Variants in SIRT3 observed in about 807,000 individuals in gnomAD.
SIRT3 encodes the protein NAD-dependent protein deacetylase sirtuin-3, mitochondrial.
A neutral mutation model predicts 33.5 loss-of-function variants in SIRT3; 26 were observed. That is an observed-to-expected ratio of 0.78 (90% CI 0.57 to 1.08). The LOEUF (loss-of-function observed/expected upper bound fraction) is 1.08. Among genes scored for constraint, SIRT3 ranks in the 50% least tolerant of loss-of-function variants. SIRT3 has a pLI of 0.00. For missense variants in SIRT3, 585 were observed against 530.1 expected (o/e 1.10, Z -1.02); for synonymous variants, 237 against 222.1 (o/e 1.07, Z -0.60).
intron 3 of SIRT3, among the ~76,000 whole-genome samples, chr11:232,702 A>G (rs1456661255): frequency 1.3e-5 from 2 of 152,214 alleles, no homozygotes; most frequent in African/African-American, 4.8e-5. Context: ...TTGGCAAAAC[A>G]ATGTCAACTT....
At chr11:234,037 A>T (rs901127824) in intron 1 of SIRT3, 31 of 153,210 alleles carry the variant, frequency 2.0e-4, no homozygotes, top group African/African-American at 7.2e-4. Flanking sequence ...AATGAAAGTT[A>T]TTATTGCTGT....
In SIRT3 at chr11:223,660, C is replaced by T; in HGVS notation, c.969+418G>A. The T allele has an allele frequency of 1.7e-6, 1 of 580,306 alleles. No individual in the cohort carries two copies. The highest frequency in any genetic ancestry group is 3.2e-6 in the Non-Finnish European group (1 of 314,790). 35.9% of individuals were successfully genotyped at this position (580,306 alleles called of 1,614,324 possible). Reference sequence around the variant, plus strand: ...CTCCTCACACGTGGTGCCCCACCCACACCTATACCACCTCCAAAGCCCAGC... The same window carrying T: ...CTCCTCACACGTGGTGCCCCACCCATACCTATACCACCTCCAAAGCCCAGC... On this transcript the variant is annotated intron_variant, in intron 5 of 6. Coordinates refer to ENST00000382743, the MANE Select transcript of SIRT3 (RefSeq NM_012239.6). The surrounding 1 kb of genome is among the most constrained non-coding windows in gnomAD (Gnocchi z 4.8).
At chr11:228,522 T>G (rs1857469780) in intron 4 of SIRT3, among the ~76,000 whole-genome samples, 1 of 152,202 alleles carries the variant, frequency 6.6e-6, no homozygotes, top group South Asian at 2.1e-4. Context: ...GACCACAGTT[T>G]TTTTAAACAA....
chr11:219,442 C>T (rs4758632), intron 5 of SIRT3, among the ~76,000 whole-genome samples: 23,621 of 152,072 alleles, frequency 0.16, 2,334 homozygotes, highest in Middle Eastern at 0.22. Context: ...TCTGGCTAGC[C>T]CTGCTTGCTC....
intron 5 of SIRT3, among the ~76,000 whole-genome samples, chr11:220,224 G>A (rs543381721): frequency 3.4e-4 from 52 of 151,726 alleles, no homozygotes; most frequent in Middle Eastern, 6.8e-3. Context: ...GAGCTACTCG[G>A]GAGGTTGAGG....
intron 4 of SIRT3, among the ~76,000 whole-genome samples, chr11:225,122 A>C (rs1302020477): frequency 6.6e-6 from 1 of 152,014 alleles, no homozygotes; most frequent in Non-Finnish European, 1.5e-5. Context: ...AACTTGAAAT[A>C]TCTATCAAAG....
rs958096125 is a variant in SIRT3 at position 224,357 on chromosome 11, T to A, written c.808-118A>T. On this transcript the variant is annotated intron_variant, in intron 4 of 6. Transcript: ENST00000382743. ...TCCCCCAAAAAAGGTGAGAGAGGGA[T>A]CATGAACCCCCATGTACCCAGCTTC... 9 of 1,085,512 alleles carry A rather than the reference T, an allele frequency of 8.3e-6. No individual in the cohort carries two copies. In the South Asian group the frequency reaches 1.3e-4, roughly 16 times the overall value. The allele number at this position is 1,085,512 out of a possible 1,614,324, so 67.2% of individuals were successfully genotyped here.
chr11:218,986 A>C lies in SIRT3; in HGVS notation c.1025T>G (p.Leu342Arg), dbSNP rs1416729777. 15 of 1,614,116 alleles carry C rather than the reference A, an allele frequency of 9.3e-6. No individual in the cohort carries two copies. Among genetic ancestry groups the C allele is most frequent in the Non-Finnish European group, 1.3e-5 (15 of 1,180,038 alleles). ...GGGCCCCACCAAGTCCCGGTTGATG[A>C]GCAGTCGGGGAACTGAGCTCCGCAC... ...EAVRSSVPRL[L>R]INRDLVGPLA... Residue 342 changes from leucine (L) to arginine (R), a missense_variant, in exon 6 of 7, where the codon CTC (leucine) becomes CGC (arginine). Coordinates refer to ENST00000382743, the MANE Select transcript of SIRT3 (RefSeq NM_012239.6).
At chr11:235,687 G>C (rs74044920) in intron 1 of SIRT3, among the ~76,000 whole-genome samples, 5,325 of 152,254 alleles carry the variant, frequency 0.035, 286 homozygotes, top group African/African-American at 0.12. Flanking sequence ...TCACATGCCA[G>C]TGGGAGTATT....
intron 4 of SIRT3, 98 bp from the exon 5 acceptor site, chr11:224,337 C>G: frequency 7.6e-7 from 1 of 1,321,776 alleles, no homozygotes. Flanking sequence ...CATTCTCCCC[C>G]AAAAAAGGTG....
upstream of SIRT3, chr11:236,401 C>A (rs1462084817): frequency 1.8e-6 from 2 of 1,088,234 alleles, no homozygotes; most frequent in African/African-American, 3.4e-5. Context: ...CGCCTCCCAC[C>A]CCCGCCCCCG....
intron 6 of SIRT3, 127 bp downstream of exon 6, chr11:218,705 C>T (rs1398421606): frequency 6.7e-7 from 1 of 1,501,442 alleles, no homozygotes; most frequent in Non-Finnish European, 8.9e-7. Flanking sequence ...GTGCCTGGTG[C>T]AGGATTCACA....
intron 5 of SIRT3, chr11:222,494 C>T (rs935794770): frequency 5.2e-5 from 8 of 152,614 alleles, no homozygotes; most frequent in Non-Finnish European, 4.4e-5. Flanking sequence ...ACCCACTCTG[C>T]GTTCACACAC....
rs1243799684 is a variant in SIRT3 at position 223,651 on chromosome 11, C to T, written c.969+427G>A. The T allele has an allele frequency of 4.0e-6, 2 of 494,880 alleles. No homozygotes were observed. The highest frequency in any genetic ancestry group is 7.6e-6 in the Non-Finnish European group (2 of 263,104). 30.7% of individuals were successfully genotyped at this position (494,880 alleles called of 1,614,324 possible). A position where few individuals can be genotyped will look rare whatever the true frequency, so the allele number is the denominator to read the frequency against. On this transcript the variant is annotated intron_variant, in intron 5 of 6. Coordinates refer to ENST00000382743, the MANE Select transcript of SIRT3 (RefSeq NM_012239.6). The surrounding 1 kb of genome is among the most constrained non-coding windows in gnomAD (Gnocchi z 4.8). The stretch of plus-strand genomic sequence containing the variant: ...TTCTCCCTTCTCCTCACACGTGGTG[C>T]CCCACCCACACCTATACCACCTCCA...
chr11:230,372 A>G (rs764232935), intron 4 of SIRT3, 80 bp downstream of exon 4: 25 of 755,300 alleles, frequency 3.3e-5, no homozygotes, highest in Non-Finnish European at 4.4e-5. Context: ...TCCTTTCGAG[A>G]CAATGCTTAT....
At chr11:225,876 T>G (rs985368059) in intron 4 of SIRT3, 2 of 152,204 alleles carry the variant, frequency 1.3e-5, no homozygotes, top group Admixed American at 1.3e-4. Context: ...ATTCAGGATC[T>G]CAAGCAAGTG....
rs1855532854 is a variant in SIRT3 at position 215,211 on chromosome 11, CAGG to C, written c.*1484_*1486del. 6.6e-6 allele frequency: 1 copy of C among 152,560 alleles called. No homozygotes were observed. Among genetic ancestry groups the C allele is most frequent in the South Asian group, 2.1e-4 (1 of 4,838 alleles). The allele number at this position is 152,560 out of a possible 1,614,324, so 9.5% of individuals were successfully genotyped here. A position where few individuals can be genotyped will look rare whatever the true frequency, so the allele number is the denominator to read the frequency against. On this transcript the variant is annotated 3_prime_UTR_variant, in exon 7 of 7. Coordinates refer to ENST00000382743, the MANE Select transcript of SIRT3 (RefSeq NM_012239.6). Reference sequence around the variant, plus strand: ...CCGAGGTGGGTGGATCACTTGAAGCCAGGAGTTCGAGACCAGCCTGGCCAACAT... The same window carrying C: ...CCGAGGTGGGTGGATCACTTGAAGCCAGTTCGAGACCAGCCTGGCCAACAT...
At chr11:235,541 C>G (rs479979) in intron 1 of SIRT3, among the ~76,000 whole-genome samples, 3,824 of 152,300 alleles carry the variant, frequency 0.025, 163 homozygotes, top group African/African-American at 0.086. Flanking sequence ...TTGTGTCAGA[C>G]AGCAAGTCAA....
chr11:223,330 G>A lies in SIRT3; in HGVS notation c.969+748C>T, dbSNP rs947410670. ...ATCACGCCTCACCAGCAAGTGCCCT[G>A]ACCTTACAGACCAAGCCAGACGCCT... On this transcript the variant is annotated intron_variant, in intron 5 of 6. Coordinates refer to ENST00000382743, the MANE Select transcript of SIRT3 (RefSeq NM_012239.6). This position sits in a 1 kb window ranked among gnomAD's most constrained non-coding sequence, Gnocchi z 4.8. 1.0e-5 allele frequency: 2 copies of A among 193,402 alleles called. No individual in the cohort carries two copies. The highest frequency in any genetic ancestry group is 2.2e-5 in the Non-Finnish European group (2 of 92,522). 12.0% of individuals were successfully genotyped at this position (193,402 alleles called of 1,614,324 possible).
Sources: gnomAD v4.1 joint callset for allele counts (sites outside exome capture counted in the v4.1 genomes callset) on GRCh38, gnomAD v4.1.1 for gene constraint, Gnocchi (gnomAD v3.1) non-coding constraint, MANE v1.5 for transcripts, NCBI Gene and HGNC (gene_info 2026-07-23, HGNC 2026-07-21) for gene names.